The following FGF14 variants were observed in gnomAD, a reference collection of about 807,000 sequenced individuals.
FGF14 encodes the protein fibroblast growth factor 14.
A neutral mutation model predicts 25.5 loss-of-function variants in FGF14; 5 were observed. The ratio of observed to expected loss-of-function variants is 0.20; its 90% CI spans 0.10 to 0.41. FGF14 has a LOEUF of 0.41. Ranked by LOEUF, FGF14 falls within the 10% of genes least tolerant of loss-of-function variation. The pLI is 1.00. For synonymous variants in FGF14, 138 were observed against 118.3 expected, an observed-to-expected ratio of 1.17 and a Z score of -1.08; for missense variants, 222 against 320.1, an observed-to-expected ratio of 0.69 and a Z score of 2.34.
chr13:102,049,673 T>C (rs1461816721), intron 1 of FGF14, among the ~76,000 whole-genome samples: 1 of 152,100 alleles, frequency 6.6e-6, no homozygotes, highest in Non-Finnish European at 1.5e-5. Flanking sequence ...GATGAGCTCA[T>C]ACTGGATGAG....
intron 1 of FGF14, among the ~76,000 whole-genome samples, chr13:101,883,333 T>C (rs890785525): frequency 6.6e-6 from 1 of 152,192 alleles, no homozygotes; most frequent in Non-Finnish European, 1.5e-5. Context: ...TCTAGAATTC[T>C]GCAACACAGC....
At chr13:101,746,690 G>C (rs765182069) in intron 3 of FGF14, among the ~76,000 whole-genome samples, 1 of 152,002 alleles carries the variant, frequency 6.6e-6, no homozygotes, top group Non-Finnish European at 1.5e-5. Context: ...AGGAGCATGA[G>C]AAGGCACTTT....
intron 1 of FGF14, among the ~76,000 whole-genome samples, chr13:102,184,827 T>C (rs1353958598): frequency 6.6e-6 from 1 of 151,944 alleles, no homozygotes; most frequent in African/African-American, 2.4e-5. Context: ...TTTTGGCCTA[T>C]TAATTCTTCT....
At chr13:102,371,115 T>A (rs2057869497) in intron 1 of FGF14, among the ~76,000 whole-genome samples, 1 of 152,180 alleles carries the variant, frequency 6.6e-6, no homozygotes, top group Non-Finnish European at 1.5e-5. Context: ...CCAGGTATAT[T>A]CCTGAAACAA....
rs560745102 is a variant in FGF14 at position 102,155,207 on chromosome 13, T to C, written c.208+246264A>G. Among the ~76,000 whole-genome samples the C allele has an allele frequency of 7.9e-5, 12 of 152,294 alleles. No homozygotes were observed. The East Asian group carries it at 2.3e-3, about 29-fold the overall frequency. On this transcript the variant is annotated intron_variant, in intron 1 of 4. Coordinates refer to the FGF14 transcript ENST00000376131. ...CTCTCCATCCCAAATCAACAGAATA[T>C]ACATTCTTTTCAGCACCACACTACA...
At chr13:102,298,876 G>C (rs1212781299) in intron 1 of FGF14, among the ~76,000 whole-genome samples, 2 of 152,106 alleles carry the variant, frequency 1.3e-5, no homozygotes, top group Admixed American at 1.3e-4. Flanking sequence ...TATTTTCTAA[G>C]AACTCTTAAG....
At chr13:101,816,150 G>T (rs964032174) in intron 3 of FGF14, among the ~76,000 whole-genome samples, 5 of 151,104 alleles carry the variant, frequency 3.3e-5, no homozygotes, top group Admixed American at 6.6e-5. Context: ...GGCGCCTGTA[G>T]TCCCAGCTAC....
At chr13:102,229,984 G>A (rs1016329257) in intron 1 of FGF14, among the ~76,000 whole-genome samples, 7 of 152,106 alleles carry the variant, frequency 4.6e-5, no homozygotes, top group African/African-American at 1.7e-4. Flanking sequence ...ATACTGCTGT[G>A]GTCTGAATGT....
At chr13:102,242,345 C>G (rs2051643446) in intron 1 of FGF14, among the ~76,000 whole-genome samples, 1 of 152,054 alleles carries the variant, frequency 6.6e-6, no homozygotes, top group African/African-American at 2.4e-5. Flanking sequence ...TCCATTTCAG[C>G]TGCTGTAACA....
chr13:101,846,658 T>A (rs926616364), intron 3 of FGF14, among the ~76,000 whole-genome samples: 1 of 152,104 alleles, frequency 6.6e-6, no homozygotes, highest in Non-Finnish European at 1.5e-5. Context: ...ATGGGATGAC[T>A]ACATGATAAC....
chr13:102,275,248 C>A (rs1419922166), intron 1 of FGF14, among the ~76,000 whole-genome samples: 2 of 107,938 alleles, frequency 1.9e-5, no homozygotes, highest in Non-Finnish European at 3.8e-5. Context: ...CTCTCTCTCT[C>A]TCTCTCTCTC....
intron 1 of FGF14, among the ~76,000 whole-genome samples, chr13:102,098,286 G>A (rs771195070): frequency 2.0e-5 from 3 of 152,246 alleles, no homozygotes; most frequent in East Asian, 3.9e-4. Context: ...CTAGAAAGTC[G>A]TGTCCCTAGA....
chr13:101,884,293 G>A (rs1288212632), intron 1 of FGF14, among the ~76,000 whole-genome samples: 1 of 151,992 alleles, frequency 6.6e-6, no homozygotes, highest in East Asian at 1.9e-4. Flanking sequence ...CAGATGAGAG[G>A]AGAGTGACAG....
chr13:101,759,986 C>G (rs2037913391), intron 3 of FGF14, among the ~76,000 whole-genome samples: 1 of 152,162 alleles, frequency 6.6e-6, no homozygotes, highest in Admixed American at 6.5e-5. Context: ...TCCCAACTGA[C>G]AGAGAAATCT....
At chr13:102,122,692 G>A (rs974022646) in intron 1 of FGF14, among the ~76,000 whole-genome samples, 3 of 152,124 alleles carry the variant, frequency 2.0e-5, no homozygotes, top group South Asian at 2.1e-4. Flanking sequence ...TCTCTAGCAG[G>A]AAAATGAACA....
intron 1 of FGF14, among the ~76,000 whole-genome samples, chr13:102,097,014 C>G (rs1056763751): frequency 2.8e-5 from 4 of 143,352 alleles, no homozygotes; most frequent in African/African-American, 7.6e-5. Flanking sequence ...CTGCTTCAGG[C>G]AAATGACTGG....
At chr13:101,797,473 T>C (rs2040593628) in intron 3 of FGF14, among the ~76,000 whole-genome samples, 1 of 151,946 alleles carries the variant, frequency 6.6e-6, no homozygotes, top group African/African-American at 2.4e-5. Flanking sequence ...ATATCTACAG[T>C]ATATAAATGG....
At chr13:102,078,455 C>T (rs1595194405) in intron 1 of FGF14, among the ~76,000 whole-genome samples, 1 of 140,272 alleles carries the variant, frequency 7.1e-6, no homozygotes, top group Middle Eastern at 3.5e-3. Flanking sequence ...AAAAAACTTA[C>T]AGTCTAGAGG....
At chr13:101,730,724 CA>C (rs2035750241) in intron 3 of FGF14, among the ~76,000 whole-genome samples, 1 of 152,010 alleles carries the variant, frequency 6.6e-6, no homozygotes. Flanking sequence ...ATGAGATCTC[CA>C]GGGATAATGT....
Sources: gnomAD v4.1 joint callset for allele counts (sites outside exome capture counted in the v4.1 genomes callset) on GRCh38, gnomAD v4.1.1 for gene constraint, MANE v1.5 for transcripts, NCBI Gene and HGNC (gene_info 2026-07-23, HGNC 2026-07-21) for gene names.